Variants in MARCHF5 observed in about 807,000 individuals in gnomAD.
MARCHF5 encodes E3 ubiquitin-protein ligase MARCHF5.
In MARCHF5, 5 loss-of-function variants were observed where a neutral mutation model predicts 36.5. The observed-to-expected ratio is 0.14, with a 90% CI of 0.07 to 0.29. The LOEUF (loss-of-function observed/expected upper bound fraction) is 0.29. MARCHF5 is among the 10% of genes least tolerant of loss of function. The pLI, the probability that MARCHF5 is intolerant of heterozygous loss-of-function variation, is 1.00. For missense variants in MARCHF5, 179 were observed against 336.3 expected (o/e 0.53, Z 3.66); for synonymous variants, 103 against 109.9 (o/e 0.94, Z 0.39).
rs1209654188 is a variant in MARCHF5, at chr10:92,291,546, G to T, written c.35+17G>T. The T allele has an allele frequency of 1.1e-5, 17 of 1,533,236 alleles. No individual in the cohort carries two copies. The highest frequency in any genetic ancestry group is 1.5e-5 in the Non-Finnish European group (17 of 1,138,036). The allele number at this position is 1,533,236 out of a possible 1,614,324, so 95.0% of individuals were successfully genotyped here. On this transcript the variant is annotated intron_variant, in intron 1 of 5. Coordinates refer to ENST00000358935, the MANE Select transcript of MARCHF5 (RefSeq NM_017824.5). ...GCTGGACAGGTACGGGCAGCTGTGG[G>T]GGGGACCGGGAGCCGCCGACCCTCG...
intron 1 of MARCHF5, among the ~76,000 whole-genome samples, chr10:92,303,938 CT>C (rs757157455): frequency 2.0e-5 from 3 of 152,112 alleles, no homozygotes; most frequent in Non-Finnish European, 4.4e-5. Flanking sequence ...CCCAGATCTC[CT>C]TTTGCTTTGT....
intron 1 of MARCHF5, among the ~76,000 whole-genome samples, chr10:92,295,481 C>T (rs1024068142): frequency 2.0e-5 from 3 of 147,988 alleles, no homozygotes; most frequent in African/African-American, 4.9e-5. Flanking sequence ...AATCTTGGCT[C>T]GCTGCAAACT....
At chr10:92,296,521 C>T (rs1483303462) in intron 1 of MARCHF5, among the ~76,000 whole-genome samples, 2 of 152,126 alleles carry the variant, frequency 1.3e-5, no homozygotes, top group Admixed American at 1.3e-4. Context: ...AGTGAATTTA[C>T]AGAGAACAAT....
intron 2 of MARCHF5, among the ~76,000 whole-genome samples, chr10:92,337,837 A>AGTACAT (rs1843522483): frequency 1.3e-5 from 2 of 151,980 alleles, no homozygotes; most frequent in South Asian, 4.2e-4. Flanking sequence ...CATGTGCTGG[A>AGTACAT]GAGCGTCGAT....
Position 92,349,852 on chromosome 10 carries a change from A to T in MARCHF5, c.720+15A>T. On this transcript the variant is annotated intron_variant, in intron 5 of 5. Coordinates refer to ENST00000358935, the MANE Select transcript of MARCHF5 (RefSeq NM_017824.5). ...GGACAATCTTGGTAAGACGGCTTTAACATTACTTATATTACCTTGCAAAAG... is the reference window on the plus strand; with the variant it reads ...GGACAATCTTGGTAAGACGGCTTTATCATTACTTATATTACCTTGCAAAAG... The T allele has an allele frequency of 6.3e-7, 1 of 1,598,500 alleles. No homozygotes were observed.
At chr10:92,339,518 A>G (rs922629458) in intron 2 of MARCHF5, among the ~76,000 whole-genome samples, 1 of 151,994 alleles carries the variant, frequency 6.6e-6, no homozygotes. Flanking sequence ...AAAAATACAA[A>G]AATTAGCTGG....
At chr10:92,331,433 C>G (rs965241500) in intron 2 of MARCHF5, among the ~76,000 whole-genome samples, 6 of 152,054 alleles carry the variant, frequency 3.9e-5, no homozygotes, top group African/African-American at 9.7e-5. Flanking sequence ...CCTCCTCCCC[C>G]CCCATAATCT....
At chr10:92,339,970 T>A (rs1226822594) in intron 2 of MARCHF5, among the ~76,000 whole-genome samples, 1 of 152,220 alleles carries the variant, frequency 6.6e-6, no homozygotes, top group Non-Finnish European at 1.5e-5. Context: ...AATATTCAAT[T>A]AAATACAGCA....
At position 92,340,706 on chromosome 10, in the gene MARCHF5, G is replaced by C; in HGVS notation, c.272G>C (p.Arg91Thr). ...PVVYVLDLAD[R>T]LISKACPFAA... ...GTTTACGTCTTGGATCTTGCAGATA[G>C]ACTGATCTCAAAAGCCTGTCCATTT... The change falls in exon 3 of 6, where the codon AGA (arginine) becomes ACA (threonine). Residue 91 changes from arginine to threonine, a missense_variant. Physicochemically the swap from Arg to Thr is moderately conservative, Grantham distance 71. Around this residue, in one of 3 missense-constraint regions of MARCHF5, gnomAD observed 66 missense variants for 180.5 expected, o/e 0.37. Transcript: ENST00000358935. The C allele has an allele frequency of 6.2e-7, 1 of 1,613,754 alleles. No homozygotes were observed. The highest frequency in any genetic ancestry group is 8.5e-7 in the Non-Finnish European group (1 of 1,179,862).
At chr10:92,299,026 A>G (rs1237681107) in intron 1 of MARCHF5, among the ~76,000 whole-genome samples, 2 of 148,420 alleles carry the variant, frequency 1.3e-5, no homozygotes, top group South Asian at 2.1e-4. Context: ...GGGTCTCACT[A>G]TGTTGCCCAG....
At position 92,291,279 on chromosome 10, in the gene MARCHF5, A is replaced by G; in HGVS notation, c.-216A>G. ...GCCGCGATCGCCGCCTCCCCGCCTC[A>G]GGCTCCTCCTCCTCGCTCTCCGCCG... On this transcript the variant is annotated 5_prime_UTR_variant, in exon 1 of 6. Coordinates refer to ENST00000358935, the MANE Select transcript of MARCHF5 (RefSeq NM_017824.5). The G allele has an allele frequency of 1.8e-6, 1 of 545,772 alleles. No individual in the cohort carries two copies. The highest frequency in any genetic ancestry group is 3.2e-6 in the Non-Finnish European group (1 of 314,478). 33.8% of individuals were successfully genotyped at this position (545,772 alleles called of 1,614,324 possible).
At position 92,306,463 on chromosome 10, in the gene MARCHF5, A is replaced by G. The variant is rs569866195; in HGVS notation, c.36-4672A>G. ...TTTTCCATAGAAAGCATGGGATACT[A>G]TTTACTCCTAGAAGGTAGAAGGACT... On this transcript the variant is annotated intron_variant, in intron 1 of 5. Coordinates refer to ENST00000358935, the MANE Select transcript of MARCHF5 (RefSeq NM_017824.5). Among the ~76,000 whole-genome samples, 14 of 152,286 alleles carry G rather than the reference A, an allele frequency of 9.2e-5. No homozygotes were observed. In the South Asian group the frequency reaches 2.1e-3, roughly 23 times the overall value.
intron 1 of MARCHF5, among the ~76,000 whole-genome samples, chr10:92,293,177 C>T (rs1842910653): frequency 6.6e-6 from 1 of 152,082 alleles, no homozygotes; most frequent in Admixed American, 6.5e-5. Flanking sequence ...ATGATCTCAA[C>T]TCACTGCAAC....
rs1450364927 is a variant in MARCHF5, at chr10:92,349,771, T to A, written c.654T>A (p.Thr218=). Residue 218 remains threonine (T), a synonymous_variant, in exon 5 of 6, where the codon ACT becomes ACA. Transcript: ENST00000358935. ...TGTGTGGAGCCCTTGTCTTTCCTAC[T>A]ATTGCTACAATAGTTGGTAAATTGA... is the stretch of plus-strand genomic sequence containing the variant. ...RILCGALVFP[T]IATIVGKLMF... is the part of the protein sequence containing the mutation. The A allele has an allele frequency of 6.2e-7, 1 of 1,613,992 alleles. No individual in the cohort carries two copies. Among genetic ancestry groups the A allele is most frequent in the East Asian group, 2.2e-5 (1 of 44,884 alleles).
intron 1 of MARCHF5, among the ~76,000 whole-genome samples, 164 bp from the exon 2 acceptor site, chr10:92,310,971 C>A (rs1194498149): frequency 9.2e-5 from 14 of 152,166 alleles, no homozygotes; most frequent in Admixed American, 9.2e-4. Flanking sequence ...AGAAACTGCT[C>A]TAGTGGGAAT....
chr10:92,352,981 T>G lies in MARCHF5; in HGVS notation c.*1774T>G, dbSNP rs779718264. The G allele has an allele frequency of 2.6e-5, 4 of 152,572 alleles. No individual in the cohort carries two copies. The highest frequency in any genetic ancestry group is 6.6e-5 in the Admixed American group (1 of 15,264). The allele number at this position is 152,572 out of a possible 1,614,324, so 9.5% of individuals were successfully genotyped here. ...TGCAAAATTTTGTTGTATAGAACAG[T>G]TTTTAGGCAGCCTTTACTAAAGTTA... On this transcript the variant is annotated 3_prime_UTR_variant, in exon 6 of 6. Transcript: ENST00000358935.
At chr10:92,339,468 G>A (rs1172950390) in intron 2 of MARCHF5, among the ~76,000 whole-genome samples, 3 of 151,586 alleles carry the variant, frequency 2.0e-5, no homozygotes, top group South Asian at 4.2e-4. Flanking sequence ...TCAAGAGTTC[G>A]AGACCAACCT....
chr10:92,349,983 T>A, intron 5 of MARCHF5, 146 bp downstream of exon 5: 1 of 638,140 alleles, frequency 1.6e-6, no homozygotes, highest in Non-Finnish European at 2.7e-6. Flanking sequence ...ATTCAATAGC[T>A]TGAGTGGAAA....
rs1262020635 is a variant in MARCHF5, at chr10:92,296,529, A to G, written c.35+5000A>G. Among the ~76,000 whole-genome samples, 6 of 152,318 alleles carry G rather than the reference A, an allele frequency of 3.9e-5. No individual in the cohort carries two copies. In the East Asian group the frequency reaches 9.6e-4, roughly 24 times the overall value. On this transcript the variant is annotated intron_variant, in intron 1 of 5. Coordinates refer to ENST00000358935, the MANE Select transcript of MARCHF5 (RefSeq NM_017824.5). ...AGTTAGGAGTGAATTTACAGAGAAC[A>G]ATGCAAAGAATATTATAACAAACTG...
Sources: allele counts gnomAD v4.1 joint callset (sites outside exome capture counted in the v4.1 genomes callset), GRCh38; gene constraint gnomAD v4.1.1; regional missense constraint gnomAD v4.1.1; transcripts MANE v1.5; gene names NCBI Gene and HGNC (gene_info 2026-07-23, HGNC 2026-07-21).